Variants in GRIN2A observed in about 807,000 individuals in gnomAD.
The protein encoded by GRIN2A is glutamate receptor ionotropic, NMDA 2A.
GRIN2A carries 22 observed loss-of-function variants against 113.4 expected under a neutral mutation model. The ratio of observed to expected loss-of-function variants is 0.19; its 90% confidence interval spans 0.14 to 0.28. The LOEUF (loss-of-function observed/expected upper bound fraction) is 0.28. GRIN2A is among the 10% of genes least tolerant of loss of function. The pLI, the probability that GRIN2A is intolerant of heterozygous loss-of-function variation, is 1.00. For synonymous variants in GRIN2A, 827 were observed against 738.4 expected, an observed-to-expected ratio of 1.12 and a Z score of -1.94; for missense variants, 1,502 against 1,887.0, an observed-to-expected ratio of 0.80 and a Z score of 3.78.
rs568710145 is a variant in GRIN2A, at chr16:10,110,831, G to A, written c.414+69167C>T. Among the ~76,000 whole-genome samples the A allele has an allele frequency of 2.0e-5, 3 of 152,308 alleles. No homozygotes were observed. The East Asian group carries it at 5.8e-4, about 29-fold the overall frequency. ...AGGTGGCAGAACCAAAAGATGAAAG[G>A]AGCTGAGCCCCTGAATCGTCACTTG... is the stretch of plus-strand genomic sequence containing the variant. On this transcript the variant is annotated intron_variant, in intron 2 of 12. Coordinates refer to ENST00000330684, the MANE Select transcript of GRIN2A (RefSeq NM_001134407.3).
chr16:9,818,111 T>A (rs1345225500), intron 10 of GRIN2A, among the ~76,000 whole-genome samples: 1 of 151,608 alleles, frequency 6.6e-6, no homozygotes. Context: ...ATAATGAAAA[T>A]TTTAAAAAGG....
Position 9,764,928 on chromosome 16 carries a change from A to G in GRIN2A, c.2616T>C (p.His872=), listed in dbSNP as rs760351867. Residue 872 remains histidine (H), a synonymous_variant, in exon 13 of 13, where the codon CAT becomes CAC. Coordinates refer to ENST00000330684, the MANE Select transcript of GRIN2A (RefSeq NM_001134407.3). ...TCTTCTTTTCTTCAATGTGCACTCCATGAATGCAGCTGTAGATGCCCTGTA... is the reference window on the plus strand; with the variant it reads ...TCTTCTTTTCTTCAATGTGCACTCCGTGAATGCAGCTGTAGATGCCCTGTA... The part of the protein sequence containing the change: ...SISRGIYSCI[H]GVHIEEKKKS... 5 of 1,613,856 alleles carry G rather than the reference A, an allele frequency of 3.1e-6. No individual in the cohort carries two copies. The East Asian group carries it at 6.7e-5, about 22-fold the overall frequency.
At chr16:10,159,982 A>G (rs1306463675) in intron 2 of GRIN2A, among the ~76,000 whole-genome samples, 1 of 152,200 alleles carries the variant, frequency 6.6e-6, no homozygotes, top group Non-Finnish European at 1.5e-5. Context: ...GGAAGCTAGT[A>G]AAGGAAAGGA....
intron 2 of GRIN2A, among the ~76,000 whole-genome samples, chr16:10,125,452 C>T (rs577525439): frequency 1.3e-5 from 2 of 152,266 alleles, no homozygotes; most frequent in South Asian, 4.1e-4. Flanking sequence ...TCCTCCACTA[C>T]AAGCTCAGCA....
At chr16:9,995,605 T>C (rs746794897) in intron 2 of GRIN2A, among the ~76,000 whole-genome samples, 2 of 152,142 alleles carry the variant, frequency 1.3e-5, no homozygotes, top group Non-Finnish European at 2.9e-5. Flanking sequence ...CCAGTCATAA[T>C]GAAACTTCCC....
At chr16:9,992,040 A>T (rs1400507382) in intron 2 of GRIN2A, among the ~76,000 whole-genome samples, 1 of 152,218 alleles carries the variant, frequency 6.6e-6, no homozygotes, top group Non-Finnish European at 1.5e-5. Flanking sequence ...CACGTTCTGC[A>T]CATGTATCCC....
intron 10 of GRIN2A, among the ~76,000 whole-genome samples, chr16:9,818,967 C>G (rs542750639): frequency 1.3e-5 from 2 of 151,918 alleles, no homozygotes; most frequent in Non-Finnish European, 2.9e-5. Flanking sequence ...CCTAAATGTC[C>G]AACAATAGAG....
chr16:9,764,556 C>T lies in GRIN2A; in HGVS notation c.2988G>A (p.Val996=), dbSNP rs2141135502. 1.2e-6 allele frequency: 2 copies of T among 1,613,956 alleles called. No individual in the cohort carries two copies. The highest frequency in any genetic ancestry group is 8.5e-7 in the Non-Finnish European group (1 of 1,179,986). ...LTLNESNPNT[V]EVAVSTESKA... ...TGGATTCTGTGCTCACGGCCACCTC[C>T]ACCGTGTTAGGGTTGGACTCATTGA... is the stretch of plus-strand genomic sequence containing the variant. Residue 996 remains valine (V), a synonymous_variant, in exon 13 of 13, where the codon GTG becomes GTA. Coordinates refer to ENST00000330684, the MANE Select transcript of GRIN2A (RefSeq NM_001134407.3).
intron 2 of GRIN2A, among the ~76,000 whole-genome samples, chr16:10,043,622 C>T (rs1348702226): frequency 2.6e-5 from 4 of 152,092 alleles, no homozygotes; most frequent in Non-Finnish European, 4.4e-5. Flanking sequence ...CATTCTAGCC[C>T]ACAGTCAAGG....
At chr16:9,800,253 G>A (rs140825600) in intron 10 of GRIN2A, among the ~76,000 whole-genome samples, 1 of 152,254 alleles carries the variant, frequency 6.6e-6, no homozygotes, top group Non-Finnish European at 1.5e-5. Context: ...GGGATTACAG[G>A]TGCTAATTAT....
intron 11 of GRIN2A, among the ~76,000 whole-genome samples, chr16:9,787,526 T>C (rs1902303818): frequency 6.6e-6 from 1 of 152,180 alleles, no homozygotes; most frequent in Non-Finnish European, 1.5e-5. Context: ...CCAACCACCT[T>C]GGGCACATGT....
intron 2 of GRIN2A, among the ~76,000 whole-genome samples, chr16:10,070,741 C>A (rs546893054): frequency 1.3e-5 from 2 of 152,238 alleles, no homozygotes; most frequent in East Asian, 1.9e-4. Context: ...TCAGGTTTTG[C>A]AAACTGGCTA....
In GRIN2A at chr16:10,080,613, C is replaced by T. The variant is rs539060348; in HGVS notation, c.414+99385G>A. 7.2e-5 allele frequency among the ~76,000 whole-genome samples: 11 copies of T among 152,292 alleles called. No homozygotes were observed. The South Asian group carries it at 1.0e-3, about 14-fold the overall frequency. On this transcript the variant is annotated intron_variant, in intron 2 of 12. Transcript: ENST00000330684. ...GAGGCTGAAGGCTTGATGGATTTCT[C>T]CACGGCAGCAGCTATTTATCAGGGT...
intron 10 of GRIN2A, among the ~76,000 whole-genome samples, chr16:9,801,496 A>T (rs1903359287): frequency 1.3e-5 from 2 of 152,218 alleles, no homozygotes; most frequent in Admixed American, 1.3e-4. Context: ...ACACGTACCT[A>T]GCAACCACAT....
intron 2 of GRIN2A, among the ~76,000 whole-genome samples, chr16:10,001,092 C>A (rs1380952690): frequency 1.3e-5 from 2 of 152,134 alleles, no homozygotes; most frequent in African/African-American, 4.8e-5. Flanking sequence ...CCCGTGGGCC[C>A]CAATTGTCCT....
At chr16:9,990,089 T>C (rs977418660) in intron 2 of GRIN2A, among the ~76,000 whole-genome samples, 1 of 152,174 alleles carries the variant, frequency 6.6e-6, no homozygotes, top group African/African-American at 2.4e-5. Context: ...CTCATATGTT[T>C]ATCACAGCAC....
chr16:9,998,292 C>G (rs1321657900), intron 2 of GRIN2A, among the ~76,000 whole-genome samples: 4 of 152,128 alleles, frequency 2.6e-5, no homozygotes, highest in African/African-American at 4.8e-5. Context: ...ACGACAGGAG[C>G]CAGGCATAAC....
intron 3 of GRIN2A, among the ~76,000 whole-genome samples, chr16:9,893,018 A>G (rs1193603093): frequency 6.6e-6 from 1 of 151,978 alleles, no homozygotes; most frequent in South Asian, 2.1e-4. Flanking sequence ...AATGGGTCAC[A>G]TGTACATCCC....
chr16:9,764,214 T>G lies in GRIN2A; in HGVS notation c.3330A>C (p.Ser1110=). The change falls in exon 13 of 13, where the codon TCA becomes TCC. Residue 1110 remains serine, a synonymous_variant. Transcript: ENST00000330684. ...EVERTYLKTK[S]SSPRDKIYTI... is the part of the protein sequence containing the mutation. Reference sequence around the variant, plus strand: ...TGTAGATCTTGTCTCTAGGGGAGCTTGATTTGGTTTTCAGGTAGGTGCGCT... The same window carrying G: ...TGTAGATCTTGTCTCTAGGGGAGCTGGATTTGGTTTTCAGGTAGGTGCGCT... 1 of 1,404,402 alleles carries G rather than the reference T, an allele frequency of 7.1e-7. No individual in the cohort carries two copies. Among genetic ancestry groups the G allele is most frequent in the Non-Finnish European group, 9.3e-7 (1 of 1,070,744 alleles). 87.0% of individuals were successfully genotyped at this position (1,404,402 alleles called of 1,614,324 possible).
Sources: allele counts gnomAD v4.1 joint callset (sites outside exome capture counted in the v4.1 genomes callset), GRCh38; gene constraint gnomAD v4.1.1; transcripts MANE v1.5; gene names NCBI Gene and HGNC (gene_info 2026-07-23, HGNC 2026-07-21).